The following ARHGAP15 variants were observed in gnomAD, a reference collection of about 807,000 sequenced individuals.
ARHGAP15 encodes the protein Rho GTPase activating protein 15.
Under a neutral mutation model 63.7 loss-of-function variants are expected in ARHGAP15, and 51 were observed. The ratio of observed to expected loss-of-function variants is 0.80; its 90% CI spans 0.64 to 1.01. ARHGAP15 has a LOEUF of 1.01. ARHGAP15 is among the 50% of genes least tolerant of loss of function. The pLI is 0.00. For missense variants in ARHGAP15, 560 were observed against 564.6 expected (o/e 0.99, Z 0.08); for synonymous variants, 191 against 193.8 (o/e 0.99, Z 0.12).
At chr2:143,188,875 C>T (rs1485402925) in intron 2 of ARHGAP15, among the ~76,000 whole-genome samples, 7 of 151,842 alleles carry the variant, frequency 4.6e-5, no homozygotes, top group Non-Finnish European at 8.8e-5. Flanking sequence ...CCACCTGCCT[C>T]GGCCTCCCAA....
chr2:143,365,995 ATATT>A (rs1203127524), intron 6 of ARHGAP15, among the ~76,000 whole-genome samples: 1 of 152,148 alleles, frequency 6.6e-6, no homozygotes, highest in African/African-American at 2.4e-5. Context: ...CAGCTCCTAT[ATATT>A]CTAAAATATT....
intron 2 of ARHGAP15, among the ~76,000 whole-genome samples, chr2:143,170,704 TCTGA>T (rs1690740772): frequency 6.6e-6 from 1 of 152,156 alleles, no homozygotes; most frequent in Non-Finnish European, 1.5e-5. Flanking sequence ...CCTAGTTTTC[TCTGA>T]CTGACCTTTC....
At chr2:143,433,120 C>T (rs949667449) in intron 6 of ARHGAP15, among the ~76,000 whole-genome samples, 1 of 151,904 alleles carries the variant, frequency 6.6e-6, no homozygotes, top group African/African-American at 2.4e-5. Context: ...GTTGGAAATT[C>T]GATTGTTCAA....
chr2:143,311,129 C>G (rs1270386788), intron 6 of ARHGAP15, among the ~76,000 whole-genome samples: 3 of 151,950 alleles, frequency 2.0e-5, no homozygotes, highest in Non-Finnish European at 2.9e-5. Context: ...ACAAAAGATT[C>G]ATATTTTTCT....
intron 13 of ARHGAP15, among the ~76,000 whole-genome samples, chr2:143,713,541 A>T (rs1684677358): frequency 6.6e-6 from 1 of 152,166 alleles, no homozygotes; most frequent in African/African-American, 2.4e-5. Flanking sequence ...CCAAAGTCTT[A>T]ACTCATTCCA....
At chr2:143,175,538 C>T (rs189146266) in intron 2 of ARHGAP15, among the ~76,000 whole-genome samples, 84 of 152,206 alleles carry the variant, frequency 5.5e-4, no homozygotes, top group African/African-American at 2.0e-3. Context: ...GAGGCAAATG[C>T]CTGAAAAACA....
chr2:143,349,738 AT>A (rs1685474001), intron 6 of ARHGAP15, among the ~76,000 whole-genome samples: 1 of 152,220 alleles, frequency 6.6e-6, no homozygotes, highest in Non-Finnish European at 1.5e-5. Context: ...GTGTAAAGCA[AT>A]GAATAAATCT....
intron 6 of ARHGAP15, among the ~76,000 whole-genome samples, chr2:143,329,721 A>T (rs949677068): frequency 3.9e-5 from 6 of 152,116 alleles, no homozygotes; most frequent in African/African-American, 1.4e-4. Context: ...AAAACTTGTC[A>T]ATTTATGTAG....
chr2:143,191,402 G>A (rs1574071484), intron 2 of ARHGAP15, among the ~76,000 whole-genome samples: 1 of 152,166 alleles, frequency 6.6e-6, no homozygotes, highest in East Asian at 1.9e-4. Flanking sequence ...AGCTATTGAA[G>A]TTTGTGGTGA....
chr2:143,154,984 G>A (rs1031952183), intron 1 of ARHGAP15, among the ~76,000 whole-genome samples: 1 of 151,780 alleles, frequency 6.6e-6, no homozygotes, highest in African/African-American at 2.4e-5. Flanking sequence ...GTGGGGGTAG[G>A]GGCTCTGGGG....
chr2:143,603,426 C>A (rs1025050449), intron 11 of ARHGAP15, among the ~76,000 whole-genome samples: 2 of 152,170 alleles, frequency 1.3e-5, no homozygotes, highest in African/African-American at 2.4e-5. Flanking sequence ...CTGCAGGCCA[C>A]CTGTAGAGAA....
chr2:143,519,107 G>A (rs1257653062), intron 9 of ARHGAP15, 159 bp from the exon 10 acceptor site: 3 of 504,698 alleles, frequency 5.9e-6, no homozygotes, highest in African/African-American at 5.9e-5. Context: ...AGGGAGTTGT[G>A]GTCTTCATAT....
chr2:143,214,819 T>C (rs1468263642), intron 3 of ARHGAP15, among the ~76,000 whole-genome samples: 1 of 152,222 alleles, frequency 6.6e-6, no homozygotes, highest in Non-Finnish European at 1.5e-5. Flanking sequence ...AACTCTCACC[T>C]ATATCAGAGC....
intron 12 of ARHGAP15, 99 bp from the exon 13 acceptor site, chr2:143,703,320 T>C: frequency 1.3e-6 from 1 of 769,902 alleles, no homozygotes; most frequent in Admixed American, 2.7e-5. Context: ...TCTTAGTTGC[T>C]AGTCTCAGTC....
intron 6 of ARHGAP15, among the ~76,000 whole-genome samples, chr2:143,276,281 G>C (rs573511808): frequency 6.6e-6 from 1 of 152,114 alleles, no homozygotes; most frequent in South Asian, 2.1e-4. Flanking sequence ...GATCTTTCAC[G>C]TGTATCATTT....
At chr2:143,386,236 A>G (rs1377302059) in intron 6 of ARHGAP15, among the ~76,000 whole-genome samples, 1 of 152,196 alleles carries the variant, frequency 6.6e-6, no homozygotes, top group Non-Finnish European at 1.5e-5. Context: ...TAAACTAGAC[A>G]AAAATGGCCA....
chr2:143,665,789 G>T (rs1453005691), intron 12 of ARHGAP15, among the ~76,000 whole-genome samples: 1 of 151,710 alleles, frequency 6.6e-6, no homozygotes, highest in Non-Finnish European at 1.5e-5. Context: ...CAAACAGAAA[G>T]CCAAATCATG....
At chr2:143,650,677 G>T in intron 12 of ARHGAP15, among the ~76,000 whole-genome samples, 1 of 151,916 alleles carries the variant, frequency 6.6e-6, no homozygotes. Flanking sequence ...GGCAAATCCT[G>T]ATTGTCAATA....
intron 13 of ARHGAP15, among the ~76,000 whole-genome samples, chr2:143,705,794 A>G (rs566396541): frequency 2.0e-5 from 3 of 152,266 alleles, no homozygotes; most frequent in African/African-American, 7.2e-5. Context: ...TCCTCCTTCA[A>G]ATAAAATAAA....
Sources: allele counts gnomAD v4.1 joint callset (sites outside exome capture counted in the v4.1 genomes callset), GRCh38; gene constraint gnomAD v4.1.1; transcripts MANE v1.5; gene names NCBI Gene and HGNC (gene_info 2026-07-23, HGNC 2026-07-21).